PCDHA13: variants seen among roughly 807,000 people sequenced by gnomAD.
PCDHA13 encodes protocadherin alpha 13.
A neutral mutation model predicts 64.8 loss-of-function variants in PCDHA13; 54 were observed. That is an observed-to-expected ratio of 0.83 (90% CI 0.67 to 1.04). The LOEUF is 1.04. Among genes scored for constraint, PCDHA13 ranks in the 50% least tolerant of loss-of-function variants. The pLI is 0.00. For missense variants in PCDHA13, 1,248 were observed against 1,254.3 expected (o/e 0.99, Z 0.08); for synonymous variants, 587 against 564.4 (o/e 1.04, Z -0.57).
intron 1 of PCDHA13, chr5:140,968,458 T>C: frequency 6.2e-7 from 1 of 1,614,148 alleles, no homozygotes; most frequent in East Asian, 2.2e-5. Flanking sequence ...GCACTGTGAC[T>C]GCCAACGTAT....
chr5:140,968,587 C>T (rs1554230892), intron 1 of PCDHA13: 8 of 1,614,196 alleles, frequency 5.0e-6, no homozygotes, highest in Non-Finnish European at 6.8e-6. Context: ...TCACCAAAGT[C>T]ATAGCTATGG....
chr5:140,937,869 G>C (rs1268422806), intron 1 of PCDHA13, among the ~76,000 whole-genome samples: 1 of 150,376 alleles, frequency 6.6e-6, no homozygotes, highest in South Asian at 2.1e-4. Context: ...CCGAGATCGC[G>C]CCACTGCACT....
intron 3 of PCDHA13, 85 bp from the exon 4 acceptor site, chr5:141,009,542 T>C: frequency 6.5e-7 from 1 of 1,530,742 alleles, no homozygotes; most frequent in Admixed American, 2.1e-5. Context: ...AGCCTGCCTA[T>C]GCAGTACTCC....
In PCDHA13 at chr5:140,999,156, C is replaced by T. The variant is rs533302480; in HGVS notation, c.2543-10471C>T. On this transcript the variant is annotated intron_variant, in intron 3 of 3. Transcript: ENST00000289272. ...GTCACAGCCGGAAGTCTTCAGTCCCCTAGAAGGAAAAGAGCCTGATGGGGA... is the reference window on the plus strand; with the variant it reads ...GTCACAGCCGGAAGTCTTCAGTCCCTTAGAAGGAAAAGAGCCTGATGGGGA... 4.6e-5 allele frequency among the ~76,000 whole-genome samples: 7 copies of T among 152,280 alleles called. No individual in the cohort carries two copies. In the East Asian group the frequency reaches 1.4e-3, roughly 29 times the overall value.
chr5:140,947,083 A>T (rs1268359945), intron 1 of PCDHA13, among the ~76,000 whole-genome samples: 1 of 151,728 alleles, frequency 6.6e-6, no homozygotes, highest in African/African-American at 2.4e-5. Context: ...TTGAAACATC[A>T]GACTGTAGCC....
chr5:140,889,856 G>GT (rs1471217688), intron 1 of PCDHA13, among the ~76,000 whole-genome samples: 17 of 152,122 alleles, frequency 1.1e-4, no homozygotes, highest in African/African-American at 4.1e-4. Context: ...GAGAATATTT[G>GT]TTTTGGGGGA....
chr5:141,001,435 A>G (rs1377491641), intron 3 of PCDHA13, among the ~76,000 whole-genome samples: 4 of 152,202 alleles, frequency 2.6e-5, no homozygotes, highest in African/African-American at 7.2e-5. Flanking sequence ...TTCCATGGAA[A>G]AGTCTTTCCA....
intron 1 of PCDHA13, among the ~76,000 whole-genome samples, chr5:140,926,157 C>T (rs1264983904): frequency 4.0e-5 from 6 of 151,736 alleles, no homozygotes; most frequent in Non-Finnish European, 8.8e-5. Flanking sequence ...GAAAGCTCTG[C>T]AGCAGGATCC....
At chr5:140,971,117 G>A (rs868931936) in intron 1 of PCDHA13, among the ~76,000 whole-genome samples, 1 of 152,162 alleles carries the variant, frequency 6.6e-6, no homozygotes, top group Admixed American at 6.5e-5. Flanking sequence ...ATTGGGGTGG[G>A]CTACAGGTGG....
chr5:140,943,257 CAAA>C (rs1238620023), intron 1 of PCDHA13, among the ~76,000 whole-genome samples: 2 of 77,570 alleles, frequency 2.6e-5, no homozygotes. Flanking sequence ...GACTCTGTCT[CAAA>C]AAAAAAAAAA....
At chr5:140,967,279 T>A in intron 1 of PCDHA13, 1 of 1,613,002 alleles carries the variant, frequency 6.2e-7, no homozygotes, top group Non-Finnish European at 8.5e-7. Context: ...ACATAGAGAG[T>A]GCGCAGGACC....
intron 3 of PCDHA13, among the ~76,000 whole-genome samples, chr5:140,994,613 G>A (rs1452021453): frequency 2.0e-5 from 3 of 152,082 alleles, no homozygotes; most frequent in Admixed American, 6.5e-5. Flanking sequence ...GCTGAGGCAC[G>A]AGAGTCACTT....
Position 140,998,756 on chromosome 5 carries a change from G to A in PCDHA13, c.2543-10871G>A, listed in dbSNP as rs78235138. Among the ~76,000 whole-genome samples, 197 of 152,232 alleles carry A rather than the reference G, an allele frequency of 1.3e-3. 4 individuals carry two copies. In the East Asian group the frequency reaches 0.035, roughly 27 times the overall value. On this transcript the variant is annotated intron_variant, in intron 3 of 3. Coordinates refer to ENST00000289272, the MANE Select transcript of PCDHA13 (RefSeq NM_018904.3). Reference sequence around the variant, plus strand: ...ATTTTGTATTTTTAGAAGAGACACAGTTTCACTATGTTGGTCAGGCTGGTC... The same window carrying A: ...ATTTTGTATTTTTAGAAGAGACACAATTTCACTATGTTGGTCAGGCTGGTC...
chr5:140,944,136 G>A (rs536816208), intron 1 of PCDHA13, among the ~76,000 whole-genome samples: 3 of 152,136 alleles, frequency 2.0e-5, no homozygotes, highest in African/African-American at 7.2e-5. Context: ...AAAGGTTGAA[G>A]ATTAGAAGAG....
chr5:140,951,141 T>G (rs2094552248), intron 1 of PCDHA13, among the ~76,000 whole-genome samples: 1 of 100,612 alleles, frequency 9.9e-6, no homozygotes, highest in Non-Finnish European at 2.0e-5. Context: ...TTCCTTTATC[T>G]TATTGAATAT....
At chr5:140,902,687 T>C (rs552973135) in intron 1 of PCDHA13, among the ~76,000 whole-genome samples, 184 of 152,262 alleles carry the variant, frequency 1.2e-3, no homozygotes, top group African/African-American at 4.2e-3. Context: ...GTACCTAATA[T>C]GTGTAGTCTT....
At chr5:140,982,230 C>G (rs943404054) in intron 2 of PCDHA13, 9 of 619,854 alleles carry the variant, frequency 1.5e-5, no homozygotes, top group Admixed American at 3.8e-5. Flanking sequence ...TAATAAAAAA[C>G]AGAATTGCCA....
At chr5:140,900,559 G>A (rs542075943) in intron 1 of PCDHA13, among the ~76,000 whole-genome samples, 2 of 152,314 alleles carry the variant, frequency 1.3e-5, no homozygotes, top group African/African-American at 2.4e-5. Context: ...TTACAGGCGT[G>A]AGCCACGGCA....
chr5:140,982,461 G>C lies in PCDHA13; in HGVS notation c.2454-14G>C, dbSNP rs765899879. Reference sequence around the variant, plus strand: ...TATGATCTAACCGTTATCTGGGTCTGTGTGTTTATTCAGCTCTGTGCACCT... The same window carrying C: ...TATGATCTAACCGTTATCTGGGTCTCTGTGTTTATTCAGCTCTGTGCACCT... On this transcript the variant is annotated splice_polypyrimidine_tract_variant and intron_variant, in intron 2 of 3. Coordinates refer to ENST00000289272, the MANE Select transcript of PCDHA13 (RefSeq NM_018904.3). 4.3e-6 allele frequency: 7 copies of C among 1,613,970 alleles called. No homozygotes were observed. The Admixed American group carries it at 6.7e-5, about 15-fold the overall frequency.
Sources: gnomAD v4.1 joint callset for allele counts (sites outside exome capture counted in the v4.1 genomes callset) on GRCh38, gnomAD v4.1.1 for gene constraint, MANE v1.5 for transcripts, NCBI Gene and HGNC (gene_info 2026-07-23, HGNC 2026-07-21) for gene names.